Variants in AGTR1 observed in about 807,000 individuals in gnomAD.
AGTR1 encodes the protein angiotensin II receptor type 1.
Under a neutral mutation model 19.4 loss-of-function variants are expected in AGTR1, and 16 were observed. That is an observed-to-expected ratio of 0.82 (90% confidence interval 0.56 to 1.25). The LOEUF is 1.25. AGTR1 is among the 50% of genes most tolerant of loss of function. AGTR1 has a pLI of 0.00. For synonymous variants in AGTR1, 153 were observed against 154.9 expected (o/e 0.99, Z 0.09); for missense variants, 373 against 431.9 (o/e 0.86, Z 1.21).
At chr3:148,718,979 G>A (rs1713455216) in intron 2 of AGTR1, among the ~76,000 whole-genome samples, 1 of 152,196 alleles carries the variant, frequency 6.6e-6, no homozygotes, top group Non-Finnish European at 1.5e-5. Flanking sequence ...TAACAGGGGA[G>A]ACTCAGTCTT....
chr3:148,727,733 A>G (rs12721212), intron 2 of AGTR1, among the ~76,000 whole-genome samples: 52 of 152,344 alleles, frequency 3.4e-4, no homozygotes, highest in African/African-American at 1.1e-3. Context: ...ATAGGATTTT[A>G]TCTTTTGTGA....
chr3:148,738,776 A>G (rs574901564), intron 2 of AGTR1, among the ~76,000 whole-genome samples: 1 of 152,340 alleles, frequency 6.6e-6, no homozygotes, highest in African/African-American at 2.4e-5. Context: ...GTGAGGCCCA[A>G]GTTGACACTG....
intron 2 of AGTR1, among the ~76,000 whole-genome samples, chr3:148,710,778 C>G (rs1712936814): frequency 1.3e-5 from 2 of 152,078 alleles, no homozygotes; most frequent in Non-Finnish European, 2.9e-5. Context: ...ATGTGATCCC[C>G]TGTGTTGGAG....
chr3:148,732,954 A>G (rs1714365959), intron 2 of AGTR1, among the ~76,000 whole-genome samples: 1 of 151,258 alleles, frequency 6.6e-6, no homozygotes, highest in African/African-American at 2.4e-5. Context: ...TTTAGCCGGG[A>G]TGGTCTCGAT....
At chr3:148,709,183 G>A (rs942161952) in intron 2 of AGTR1, among the ~76,000 whole-genome samples, 5 of 152,032 alleles carry the variant, frequency 3.3e-5, no homozygotes, top group Middle Eastern at 6.8e-3. Flanking sequence ...CAGATTTTCT[G>A]CAAAAATCCA....
chr3:148,703,085 T>A (rs1712449000), intron 1 of AGTR1, among the ~76,000 whole-genome samples: 2 of 152,040 alleles, frequency 1.3e-5, no homozygotes. Context: ...AAATCGGTGG[T>A]TCTTAAGATG....
chr3:148,698,838 TAAACA>T (rs897777136), intron 1 of AGTR1, among the ~76,000 whole-genome samples: 4 of 152,216 alleles, frequency 2.6e-5, no homozygotes, highest in African/African-American at 9.6e-5. Context: ...CTTCCAGGAC[TAAACA>T]GAGCCTCTGG....
chr3:148,703,795 A>G (rs1476609289), intron 1 of AGTR1, among the ~76,000 whole-genome samples: 1 of 151,030 alleles, frequency 6.6e-6, no homozygotes, highest in Non-Finnish European at 1.5e-5. Flanking sequence ...TAAAGTTTTA[A>G]TTTGAGATCA....
At chr3:148,734,282 A>T (rs1714447538) in intron 2 of AGTR1, among the ~76,000 whole-genome samples, 2 of 152,210 alleles carry the variant, frequency 1.3e-5, no homozygotes, top group African/African-American at 4.8e-5. Flanking sequence ...AAAGTTTCTG[A>T]ATTTCCTTTC....
At chr3:148,737,311 G>C (rs1272545524) in intron 2 of AGTR1, among the ~76,000 whole-genome samples, 1 of 152,046 alleles carries the variant, frequency 6.6e-6, no homozygotes, top group Non-Finnish European at 1.5e-5. Context: ...CAAAGTTCAA[G>C]TGATGACACC....
chr3:148,704,218 G>A (rs971510648), intron 1 of AGTR1, among the ~76,000 whole-genome samples: 5 of 151,854 alleles, frequency 3.3e-5, no homozygotes, highest in South Asian at 4.2e-4. Flanking sequence ...GCATGGTGGC[G>A]CACACCATGT....
At chr3:148,718,512 A>T (rs1713423528) in intron 2 of AGTR1, among the ~76,000 whole-genome samples, 1 of 152,184 alleles carries the variant, frequency 6.6e-6, no homozygotes, top group African/African-American at 2.4e-5. Flanking sequence ...TCTCCAGGTG[A>T]ACATGGAACG....
At chr3:148,740,156 A>G (rs1714790306) in intron 2 of AGTR1, among the ~76,000 whole-genome samples, 1 of 152,180 alleles carries the variant, frequency 6.6e-6, no homozygotes, top group Non-Finnish European at 1.5e-5. Context: ...ATTCTAAAAA[A>G]CCTGCTGCTT....
intron 1 of AGTR1, among the ~76,000 whole-genome samples, chr3:148,701,692 G>A (rs1712352295): frequency 6.6e-6 from 1 of 152,120 alleles, no homozygotes; most frequent in Non-Finnish European, 1.5e-5. Flanking sequence ...ACATTTAAAA[G>A]TTTGGAAAAT....
intron 2 of AGTR1, among the ~76,000 whole-genome samples, chr3:148,710,698 C>G (rs924895581): frequency 1.3e-5 from 2 of 151,890 alleles, no homozygotes; most frequent in Admixed American, 6.6e-5. Flanking sequence ...TATTAGAAGC[C>G]TTTATTTTTA....
At chr3:148,730,193 A>G in intron 2 of AGTR1, 1 of 398,530 alleles carries the variant, frequency 2.5e-6, no homozygotes. Context: ...AAGAAAATGA[A>G]TCACAAGTCA....
At chr3:148,709,555 G>T (rs3772628) in intron 2 of AGTR1, among the ~76,000 whole-genome samples, 65,761 of 151,986 alleles carry the variant, frequency 0.43, 16,044 homozygotes, top group African/African-American at 0.68. Flanking sequence ...ACATACTTAA[G>T]TCTAAGAAGC....
chr3:148,714,404 C>T (rs937197386), intron 2 of AGTR1, among the ~76,000 whole-genome samples: 9 of 152,018 alleles, frequency 5.9e-5, no homozygotes, highest in African/African-American at 2.2e-4. Flanking sequence ...AAGATCGCTC[C>T]AGGCAGAGGG....
chr3:148,718,337 G>A (rs561112965), intron 2 of AGTR1, among the ~76,000 whole-genome samples: 17 of 152,314 alleles, frequency 1.1e-4, no homozygotes, highest in African/African-American at 3.8e-4. Context: ...ATACATGAGT[G>A]TGGAGTTCTT....
Sources: gnomAD v4.1 joint callset for allele counts (sites outside exome capture counted in the v4.1 genomes callset) on GRCh38, gnomAD v4.1.1 for gene constraint, MANE v1.5 for transcripts, NCBI Gene and HGNC (gene_info 2026-07-23, HGNC 2026-07-21) for gene names.